BRWD3: variants seen among roughly 807,000 people sequenced by gnomAD.
The protein encoded by BRWD3 is bromodomain and WD repeat-containing protein 3.
Under a neutral mutation model 149.7 loss-of-function variants are expected in BRWD3, and 10 were observed. That is an observed-to-expected ratio of 0.07 (90% CI 0.04 to 0.11). The LOEUF is 0.11. Ranked by LOEUF, BRWD3 falls within the 10% of genes least tolerant of loss-of-function variation. BRWD3 has a pLI of 1.00. For synonymous variants in BRWD3, 504 were observed against 456.7 expected, an observed-to-expected ratio of 1.10 and a Z score of -1.32; for missense variants, 940 against 1,373.2, an observed-to-expected ratio of 0.68 and a Z score of 4.99.
chrX:80,687,477 T>C (rs1163244577), intron 34 of BRWD3, among the ~76,000 whole-genome samples: 1 of 111,304 alleles, frequency 9.0e-6, no homozygotes, highest in Non-Finnish European at 1.9e-5. Context: ...AAATATATTG[T>C]CCCTTATATA....
At chrX:80,787,936 T>C (rs1245453600) in intron 6 of BRWD3, among the ~76,000 whole-genome samples, 1 of 107,743 alleles carries the variant, frequency 9.3e-6, no homozygotes, top group African/African-American at 3.4e-5. Flanking sequence ...TACAAAAAAT[T>C]AGCTGGGCGT....
chrX:80,716,808 CT>C (rs1467886241), intron 19 of BRWD3: 1 of 111,964 alleles, frequency 8.9e-6, no homozygotes, highest in Non-Finnish European at 1.9e-5. Context: ...TGAGTCCCTG[CT>C]TTCAATTCTG....
chrX:80,682,152 T>C (rs2072457623), intron 38 of BRWD3, 58 bp from the exon 39 acceptor site: 5 of 960,529 alleles, frequency 5.2e-6, no homozygotes, highest in Non-Finnish European at 6.0e-6. Context: ...CAACATATTA[T>C]GATAGACAGT....
At chrX:80,777,831 G>A (rs1282155749) in intron 6 of BRWD3, among the ~76,000 whole-genome samples, 10 of 110,813 alleles carry the variant, frequency 9.0e-5, no homozygotes, top group African/African-American at 3.3e-4. Context: ...TTAATTTTTT[G>A]GTTAGAGGTG....
intron 6 of BRWD3, among the ~76,000 whole-genome samples, chrX:80,758,177 C>T (rs1220352623): frequency 1.8e-5 from 2 of 110,161 alleles, no homozygotes; most frequent in Non-Finnish European, 3.8e-5. Context: ...CCAGTCAGGG[C>T]AACAAGAGCG....
At position 80,744,022 on chromosome X, in the gene BRWD3, C is replaced by G. The variant is rs55824836; in HGVS notation, c.813+10G>C. 26,996 of 1,194,197 alleles carry G rather than the reference C, an allele frequency of 0.023. 250 individuals are homozygous for G. Among genetic ancestry groups the G allele is most frequent in the Non-Finnish European group, 0.025 (22,073 of 882,022 alleles). On this transcript the variant is annotated intron_variant, in intron 8 of 40. Coordinates refer to ENST00000373275, the MANE Select transcript of BRWD3 (RefSeq NM_153252.5). The stretch of plus-strand genomic sequence containing the variant: ...CATATGTTCAAGCTAAATTTTATCA[C>G]TTTTCTTACCTGTATGGAAGTAATA...
At chrX:80,781,115 A>G (rs185790212) in intron 6 of BRWD3, among the ~76,000 whole-genome samples, 86 of 112,317 alleles carry the variant, frequency 7.7e-4, no homozygotes, top group African/African-American at 2.4e-3. Flanking sequence ...TATGTAAATT[A>G]CAGGATATTG....
rs2073233905 is a variant in BRWD3 at position 80,726,107 on chromosome X, GTGTC to G, written c.1387-1044_1387-1041del. ...GTATAACAACATGTTTACATGTTATGTGTCTGTATAACATATAACACGTTTACAT... is the reference window on the plus strand; with the variant it reads ...GTATAACAACATGTTTACATGTTATGTGTATAACATATAACACGTTTACAT... On this transcript the variant is annotated intron_variant, in intron 14 of 40. Coordinates refer to ENST00000373275, the MANE Select transcript of BRWD3 (RefSeq NM_153252.5). Among the ~76,000 whole-genome samples the G allele has an allele frequency of 2.8e-5, 3 of 107,634 alleles. No homozygotes were observed. In the South Asian group the frequency reaches 1.2e-3, roughly 41 times the overall value. 93.5% of individuals were successfully genotyped at this position (107,634 alleles called of 115,157 possible).
intron 4 of BRWD3, among the ~76,000 whole-genome samples, chrX:80,803,218 T>TTA (rs1337323435): frequency 3.0e-4 from 33 of 111,749 alleles, no homozygotes; most frequent in African/African-American, 9.5e-4. Flanking sequence ...AGGAAAGTGT[T>TTA]TATTAATCAA....
At chrX:80,751,137 C>T (rs2073661471) in intron 6 of BRWD3, among the ~76,000 whole-genome samples, 1 of 111,053 alleles carries the variant, frequency 9.0e-6, no homozygotes. Flanking sequence ...GATCAAAGGG[C>T]ACAAAGTTTC....
In BRWD3 at chrX:80,726,394, G is replaced by T. The variant is rs1445837138; in HGVS notation, c.1387-1327C>A. The stretch of plus-strand genomic sequence containing the variant: ...ATGTTATATCTGTATAACATAACAT[G>T]TTTACATATGTTATATGTTTATATG... On this transcript the variant is annotated intron_variant, in intron 14 of 40. Transcript: ENST00000373275. Among the ~76,000 whole-genome samples, 3 of 109,404 alleles carry T rather than the reference G, an allele frequency of 2.7e-5. No homozygotes were observed. The East Asian group carries it at 8.6e-4, about 32-fold the overall frequency.
At chrX:80,785,109 T>C (rs1276305311) in intron 6 of BRWD3, among the ~76,000 whole-genome samples, 1 of 112,447 alleles carries the variant, frequency 8.9e-6, no homozygotes, top group Non-Finnish European at 1.9e-5. Flanking sequence ...TATTAATCTT[T>C]AAAATGACGA....
Position 80,676,677 on chromosome X carries a change from T to G in BRWD3, c.5341A>C (p.Arg1781=). Residue 1781 remains arginine, a synonymous_variant, in exon 41 of 41, where the codon AGA becomes CGA. Transcript: ENST00000373275. The part of the protein sequence containing the change: ...TEDPLNLGTS[R]SGRVRKMTEK... ...GTCATTTTACGCACTCTGCCTGATC[T>G]GGATGTACCAAGATTCAGAGGATCC... 1 of 1,211,081 alleles carries G rather than the reference T, an allele frequency of 8.3e-7. No individual in the cohort carries two copies. The highest frequency in any genetic ancestry group is 1.1e-6 in the Non-Finnish European group (1 of 894,963).
chrX:80,768,306 A>C (rs1309021539), intron 6 of BRWD3, among the ~76,000 whole-genome samples: 1 of 111,412 alleles, frequency 9.0e-6, no homozygotes, highest in Non-Finnish European at 1.9e-5. Context: ...AAAGGAAGGA[A>C]AAAATGTTAA....
intron 20 of BRWD3, among the ~76,000 whole-genome samples, chrX:80,714,983 T>C (rs771640314): frequency 1.2e-4 from 14 of 112,109 alleles, no homozygotes; most frequent in Non-Finnish European, 2.1e-4. Flanking sequence ...TTTACAAATA[T>C]AAAACATTAC....
At chrX:80,775,174 T>C (rs2073987333) in intron 6 of BRWD3, among the ~76,000 whole-genome samples, 1 of 111,689 alleles carries the variant, frequency 9.0e-6, no homozygotes, top group Admixed American at 9.6e-5. Context: ...CAGAGTTGAG[T>C]AATTGCAACT....
intron 22 of BRWD3, among the ~76,000 whole-genome samples, chrX:80,706,875 A>G (rs1198327016): frequency 8.8e-6 from 1 of 113,044 alleles, no homozygotes; most frequent in Non-Finnish European, 1.9e-5. Flanking sequence ...AAAAGAATAG[A>G]AAATGAAATG....
At chrX:80,772,982 T>G (rs1400175462) in intron 6 of BRWD3, among the ~76,000 whole-genome samples, 3 of 111,844 alleles carry the variant, frequency 2.7e-5, no homozygotes, top group Non-Finnish European at 5.6e-5. Context: ...CAAGAGAAAG[T>G]TACATAGTGT....
At chrX:80,776,068 C>A (rs1358408026) in intron 6 of BRWD3, among the ~76,000 whole-genome samples, 2 of 112,120 alleles carry the variant, frequency 1.8e-5, no homozygotes, top group African/African-American at 6.5e-5. Context: ...TCAATGTTGT[C>A]TATTTAATGA....
Sources: gnomAD v4.1 joint callset for allele counts (sites outside exome capture counted in the v4.1 genomes callset) on GRCh38, gnomAD v4.1.1 for gene constraint, MANE v1.5 for transcripts, NCBI Gene and HGNC (gene_info 2026-07-23, HGNC 2026-07-21) for gene names.